SPTBN5: variants seen among roughly 807,000 people sequenced by gnomAD.
SPTBN5 encodes spectrin beta, non-erythrocytic 5, also known as spectrin beta chain, non-erythrocytic 5.
In SPTBN5, 513 loss-of-function variants were observed where a neutral mutation model predicts 477.6. That is an observed-to-expected ratio of 1.07 (90% CI 1.00 to 1.16). SPTBN5 has a LOEUF of 1.16. Ranked by LOEUF, SPTBN5 falls within the 50% of genes most tolerant of loss-of-function variation. The pLI, the probability that SPTBN5 is intolerant of heterozygous loss-of-function variation, is 0.00. For missense variants in SPTBN5, 5,062 were observed against 4,731.8 expected, an observed-to-expected ratio of 1.07 and a Z score of -2.05; for synonymous variants, 2,169 against 2,011.7, an observed-to-expected ratio of 1.08 and a Z score of -2.09.
chr15:41,882,360 C>T lies in SPTBN5; in HGVS notation c.2156G>A (p.Arg719Gln), dbSNP rs1171072242. 3 of 1,535,910 alleles carry T rather than the reference C, an allele frequency of 2.0e-6. No individual in the cohort carries two copies. The highest frequency in any genetic ancestry group is 2.6e-6 in the Non-Finnish European group (3 of 1,146,642). Residue 719 changes from arginine to glutamine, a missense_variant, in exon 11 of 68, where the codon CGG becomes CAG. Arg to Gln is a conservative substitution (Grantham distance 43). Coordinates refer to ENST00000320955, the MANE Select transcript of SPTBN5 (RefSeq NM_016642.4). ...CCACCCTCCCTGAACGGCCTCTGCCCGTTCCCCGGGATCCGGCTGCGTTGG... is the reference window on the plus strand; with the variant it reads ...CCACCCTCCCTGAACGGCCTCTGCCTGTTCCCCGGGATCCGGCTGCGTTGG... ...RPPTQPDPGE[R>Q]AEAVQGGWQL...
chr15:41,867,171 G>A, intron 35 of SPTBN5, 45 bp from the exon 36 acceptor site: 1 of 1,493,804 alleles, frequency 6.7e-7, no homozygotes, highest in Non-Finnish European at 8.9e-7. Flanking sequence ...CCTGGGCTGG[G>A]GCAGGGCCTG....
intron 39 of SPTBN5, 62 bp downstream of exon 39, chr15:41,865,746 C>G: frequency 7.0e-7 from 1 of 1,425,028 alleles, no homozygotes; most frequent in Non-Finnish European, 9.6e-7. Context: ...TCTTTCCCTG[C>G]TCTCAGTTGG....
rs1267987093 is a variant in SPTBN5, at chr15:41,862,814, C to T, written c.7239G>A (p.Val2413=). ...LRKHEELERE[V]HPIQAQVESL... ...CCTCCACCTGGGCCTGGATGGGGTG[C>T]ACTTCCCGCTCCAGCTCCTCGTGTT... The change falls in exon 42 of 68, where the codon GTG becomes GTA. Residue 2413 remains valine (V), a synonymous_variant. Coordinates refer to ENST00000320955, the MANE Select transcript of SPTBN5 (RefSeq NM_016642.4). 4 of 1,580,426 alleles carry T rather than the reference C, an allele frequency of 2.5e-6. No individual in the cohort carries two copies. The highest frequency in any genetic ancestry group is 3.4e-6 in the Non-Finnish European group (4 of 1,164,420).
At position 41,852,753 on chromosome 15, in the gene SPTBN5, C is replaced by T. The variant is rs1368037605; in HGVS notation, c.10348-18G>A. The stretch of plus-strand genomic sequence containing the variant: ...ACTGAGTGCTGGGGAGAAGCATGTT[C>T]AGGTGACGCCCAGCTTGGGGGGGGG... On this transcript the variant is annotated intron_variant, in intron 60 of 67. Coordinates refer to ENST00000320955, the MANE Select transcript of SPTBN5 (RefSeq NM_016642.4). The T allele has an allele frequency of 1.9e-6, 3 of 1,586,508 alleles. No homozygotes were observed. The highest frequency in any genetic ancestry group is 1.4e-5 in the African/African-American group (1 of 72,472).
intron 10 of SPTBN5, 31 bp from the exon 11 acceptor site, chr15:41,882,500 A>G: frequency 6.4e-7 from 1 of 1,564,146 alleles, no homozygotes. Context: ...GGGCTCAGTG[A>G]AGGCAGAACA....
Position 41,851,140 on chromosome 15 carries a change from G to A in SPTBN5, c.10754C>T (p.Ser3585Phe). The change falls in exon 65 of 68, where the codon TCC becomes TTC. Residue 3585 changes from serine to phenylalanine, a missense_variant. Coordinates refer to ENST00000320955, the MANE Select transcript of SPTBN5 (RefSeq NM_016642.4). The part of the protein sequence containing the change: ...DERMAAEKVA[S>F]IALLDLTGAR... ...TCCCGTGAGGTCAAGGAGGGCTATG[G>A]AAGCTACTTTCTGAGGAGAGATGAG... is the stretch of plus-strand genomic sequence containing the variant. The A allele has an allele frequency of 6.2e-7, 1 of 1,613,152 alleles. No homozygotes were observed. The highest frequency in any genetic ancestry group is 8.5e-7 in the Non-Finnish European group (1 of 1,179,746).
Position 41,857,721 on chromosome 15 carries a change from A to G in SPTBN5, c.8227-11T>C. The G allele has an allele frequency of 1.3e-6, 2 of 1,561,550 alleles. No individual in the cohort carries two copies. The highest frequency in any genetic ancestry group is 1.7e-6 in the Non-Finnish European group (2 of 1,156,662). ...CAGCCTCTGTCCCTCCTGCAGCCAC[A>G]ACATGAAACACACCTTGTGGACTCA... is the stretch of plus-strand genomic sequence containing the variant. On this transcript the variant is annotated splice_polypyrimidine_tract_variant and intron_variant, in intron 49 of 67. Transcript: ENST00000320955.
In SPTBN5 at chr15:41,853,437, G is replaced by A; in HGVS notation, c.9991C>T (p.Gln3331Ter). 6.3e-7 allele frequency: 1 copy of A among 1,582,748 alleles called. No individual in the cohort carries two copies. Among genetic ancestry groups the A allele is most frequent in the Non-Finnish European group, 8.6e-7 (1 of 1,159,350 alleles). Reference sequence around the variant, plus strand: ...GAGGACGCCAGCTCCTGCCTCTCCTGTGCCCATGCTCTGTGGGGCAGGGAA... The same window carrying A: ...GAGGACGCCAGCTCCTGCCTCTCCTATGCCCATGCTCTGTGGGGCAGGGAA... ...GRCQELLAWA[Q>*]ERQELASSEE... Residue 3331 changes from glutamine (Q) to a stop codon, truncating the protein, a stop_gained, in exon 59 of 68, where the codon CAG becomes TAG. Transcript: ENST00000320955. LOFTEE classifies it high-confidence loss of function.
At position 41,854,113 on chromosome 15, in the gene SPTBN5, C is replaced by G. The variant is rs1489179240; in HGVS notation, c.9711G>C (p.Gly3237=). 6.3e-7 allele frequency: 1 copy of G among 1,587,872 alleles called. No individual in the cohort carries two copies. Among genetic ancestry groups the G allele is most frequent in the African/African-American group, 1.3e-5 (1 of 74,466 alleles). The part of the protein sequence containing the change: ...RMQEKTALMK[G]EDGGHSLSSV... The stretch of plus-strand genomic sequence containing the variant: ...ATGACAGGCTGTGGCCTCCGTCCTC[C>G]CCCTTCATCAGGGCCGTCTTCTCCT... The change falls in exon 57 of 68, where the codon GGG becomes GGC. Residue 3237 remains glycine (G), a synonymous_variant. Transcript: ENST00000320955.
rs538566766 is a variant in SPTBN5, at chr15:41,867,018, G to C, written c.6421C>G (p.Arg2141Gly). Residue 2141 changes from arginine to glycine, a missense_variant, in exon 36 of 68, where the codon CGG becomes GGG. Physicochemically the swap from Arg to Gly is moderately radical, Grantham distance 125. Transcript: ENST00000320955. Reference sequence around the variant, plus strand: ...AGGGAGGCATGCAGGGCGTGTCCCCGGCTCTCCGCCAGCTCCTTCACTCTC... The same window carrying C: ...AGGGAGGCATGCAGGGCGTGTCCCCCGCTCTCCGCCAGCTCCTTCACTCTC... ...RMRVKELAES[R>G]GHALHASLLM... The C allele has an allele frequency of 3.8e-6, 6 of 1,558,918 alleles. No individual in the cohort carries two copies. In the African/African-American group the frequency reaches 8.2e-5, roughly 21 times the overall value.
At chr15:41,881,007 G>C in intron 13 of SPTBN5, 27 bp downstream of exon 13, 1 of 1,544,474 alleles carries the variant, frequency 6.5e-7, no homozygotes, top group Non-Finnish European at 8.8e-7. Flanking sequence ...GTAAGGACTC[G>C]AGCATTTCTT....
rs778688137 is a variant in SPTBN5 at position 41,857,755 on chromosome 15, G to A, written c.8227-45C>T. 34 of 1,518,748 alleles carry A rather than the reference G, an allele frequency of 2.2e-5. No homozygotes were observed. In the South Asian group the frequency reaches 3.0e-4, roughly 13 times the overall value. 94.1% of individuals were successfully genotyped at this position (1,518,748 alleles called of 1,614,324 possible). A position where few individuals can be genotyped will look rare whatever the true frequency, so the allele number is the denominator to read the frequency against. On this transcript the variant is annotated intron_variant, in intron 49 of 67. Coordinates refer to ENST00000320955, the MANE Select transcript of SPTBN5 (RefSeq NM_016642.4). ...CACACCTTGTGGACTCAGGACTGCT[G>A]GTACCAGGGCACTTGTGTTGACTCT...
intron 6 of SPTBN5, among the ~76,000 whole-genome samples, chr15:41,886,949 G>T (rs540787112): frequency 6.6e-6 from 1 of 152,252 alleles, no homozygotes; most frequent in Non-Finnish European, 1.5e-5. Flanking sequence ...TCGGGAAGAA[G>T]GGGGAGGCCC....
At chr15:41,853,550 A>T (rs2065842747) in intron 58 of SPTBN5, 32 bp downstream of exon 58, 1 of 1,553,242 alleles carries the variant, frequency 6.4e-7, no homozygotes. Context: ...CACAGGGTAG[A>T]GCTGAGCCGG....
chr15:41,869,948 G>A lies in SPTBN5; in HGVS notation c.5746C>T (p.Gln1916Ter). Reference sequence around the variant, plus strand: ...GCCTGCGTCACAGCTTGCTGCCTCTGCTGCACCGCATGGGCCTGAGGCCCC... The same window carrying A: ...GCCTGCGTCACAGCTTGCTGCCTCTACTGCACCGCATGGGCCTGAGGCCCC... ...CPGPQAHAVQ[Q>*]RQQAVTQAWA... is the part of the protein sequence containing the mutation. Residue 1916 changes from glutamine to a stop codon, truncating the protein, a stop_gained, in exon 32 of 68, where the codon CAG (glutamine) becomes TAG (stop). Coordinates refer to ENST00000320955, the MANE Select transcript of SPTBN5 (RefSeq NM_016642.4). LOFTEE classifies it high-confidence loss of function. The A allele has an allele frequency of 6.4e-7, 1 of 1,554,942 alleles. No homozygotes were observed. The highest frequency in any genetic ancestry group is 8.7e-7 in the Non-Finnish European group (1 of 1,147,950).
rs1241689541 is a variant in SPTBN5, at chr15:41,868,181, TC to T, written c.6094del (p.Asp2032ThrfsTer41). 1.0e-5 allele frequency: 16 copies of T among 1,583,068 alleles called. No individual in the cohort carries two copies. The highest frequency in any genetic ancestry group is 1.3e-5 in the Non-Finnish European group (15 of 1,164,974). ...EELRALQDQR[D>X]QVYQTWARKQ... ...CCGTGCCCAGGTCTGATACACCTGG[TC>T]CCGCTGGTCCTGCAGGGCTCGAAGC... On this transcript the variant is annotated frameshift_variant, in exon 34 of 68. Transcript: ENST00000320955. LOFTEE classifies it high-confidence loss of function.
At chr15:41,860,970 G>C (rs977706103) in intron 46 of SPTBN5, among the ~76,000 whole-genome samples, 12 of 152,274 alleles carry the variant, frequency 7.9e-5, no homozygotes, top group African/African-American at 2.9e-4. Flanking sequence ...TCAAGAGCCA[G>C]AATCTCTGAG....
At chr15:41,881,824 G>T in intron 12 of SPTBN5, 112 bp downstream of exon 12, 1 of 1,050,422 alleles carries the variant, frequency 9.5e-7, no homozygotes, top group Non-Finnish European at 1.3e-6. Flanking sequence ...CCACGGGAAG[G>T]CCACGAATCC....
At chr15:41,850,004 C>G in intron 66 of SPTBN5, 45 bp from the exon 67 acceptor site, 1 of 1,482,128 alleles carries the variant, frequency 6.7e-7, no homozygotes, top group Non-Finnish European at 9.2e-7. Context: ...CCCAGACCAT[C>G]TGCAGGCGCC....
Sources: allele counts gnomAD v4.1 joint callset (sites outside exome capture counted in the v4.1 genomes callset), GRCh38; gene constraint gnomAD v4.1.1; transcripts MANE v1.5; gene names NCBI Gene and HGNC (gene_info 2026-07-23, HGNC 2026-07-21).